NLGN4X: variants seen among roughly 807,000 people sequenced by gnomAD.
NLGN4X encodes neuroligin 4 X-linked.
A neutral mutation model predicts 40.3 loss-of-function variants in NLGN4X; 3 were observed. The observed-to-expected ratio is 0.07, with a 90% confidence interval of 0.03 to 0.19. The LOEUF is 0.19. NLGN4X is among the 10% of genes least tolerant of loss of function. The pLI is 1.00. For missense variants in NLGN4X, 382 were observed against 708.3 expected (o/e 0.54, Z 5.23); for synonymous variants, 270 against 306.8 (o/e 0.88, Z 1.25).
intron 2 of NLGN4X, among the ~76,000 whole-genome samples, chrX:6,073,708 A>G (rs1004123944): frequency 2.2e-4 from 25 of 111,329 alleles, no homozygotes; most frequent in South Asian, 1.9e-3. Context: ...AAACCAGGAA[A>G]GAGCAAAATG....
intron 3 of NLGN4X, among the ~76,000 whole-genome samples, chrX:5,997,468 A>G (rs187211520): frequency 1.5e-4 from 16 of 106,721 alleles, no homozygotes; most frequent in Admixed American, 3.1e-4. Flanking sequence ...GGTAGTATAT[A>G]TTACATGATC....
At chrX:6,093,779 ATT>A (rs1569233431) in intron 2 of NLGN4X, among the ~76,000 whole-genome samples, 1 of 111,970 alleles carries the variant, frequency 8.9e-6, no homozygotes, top group African/African-American at 3.2e-5. Context: ...TTGGATATCT[ATT>A]GTAAAACAGA....
At chrX:6,174,539 T>C (rs185295964) in intron 1 of NLGN4X, among the ~76,000 whole-genome samples, 9 of 112,206 alleles carry the variant, frequency 8.0e-5, no homozygotes, top group Admixed American at 3.8e-4. Context: ...TCAACCTAGA[T>C]GCCAATCAGT....
At chrX:5,952,035 GGGAAAATGCAGAAT>G (rs1245521659) in intron 3 of NLGN4X, among the ~76,000 whole-genome samples, 26 of 112,330 alleles carry the variant, frequency 2.3e-4, no homozygotes, top group African/African-American at 8.4e-4. Flanking sequence ...GGAGATTCGA[GGGAAAATGCAGAAT>G]GGCCATTTTT....
chrX:5,986,020 A>C (rs1019038120), intron 3 of NLGN4X, among the ~76,000 whole-genome samples: 1 of 112,102 alleles, frequency 8.9e-6, no homozygotes, highest in African/African-American at 3.2e-5. Context: ...ATATACGAAA[A>C]GATTTTAAAA....
chrX:5,949,801 T>C (rs113108464), intron 3 of NLGN4X, among the ~76,000 whole-genome samples: 3 of 111,592 alleles, frequency 2.7e-5, no homozygotes, highest in Non-Finnish European at 3.8e-5. Context: ...TCAATGAGGT[T>C]TGATGGATTG....
At chrX:5,996,511 C>CA (rs1299652257) in intron 3 of NLGN4X, among the ~76,000 whole-genome samples, 1 of 111,690 alleles carries the variant, frequency 9.0e-6, no homozygotes, top group Non-Finnish European at 1.9e-5. Context: ...CAGAGGGACT[C>CA]AAAGACTTTC....
At chrX:6,142,153 G>T (rs2039960599) in intron 2 of NLGN4X, among the ~76,000 whole-genome samples, 1 of 112,298 alleles carries the variant, frequency 8.9e-6, no homozygotes, top group African/African-American at 3.2e-5. Context: ...ATTGCAAATT[G>T]AATTGAATTA....
chrX:6,164,688 G>A lies in NLGN4X; in HGVS notation c.-305-12917C>T, dbSNP rs192012464. ...TCTCCTAATGAACTGTGCAATATCC[G>A]AAAAGCTGAGTGTCTTCAGAACGTT... On this transcript the variant is annotated intron_variant, in intron 1 of 5. Transcript: ENST00000381095. 1.5e-3 allele frequency among the ~76,000 whole-genome samples: 166 copies of A among 111,487 alleles called. 1 individual carries two copies. The highest frequency in any genetic ancestry group is 5.1e-3 in the African/African-American group (158 of 30,716).
intron 3 of NLGN4X, among the ~76,000 whole-genome samples, chrX:5,938,969 G>A (rs1445775895): frequency 2.0e-5 from 2 of 100,516 alleles, no homozygotes; most frequent in African/African-American, 3.8e-5. Flanking sequence ...GTGTGTGCGT[G>A]TGTGTGTGTG....
At chrX:6,084,974 T>C (rs1157979178) in intron 2 of NLGN4X, among the ~76,000 whole-genome samples, 1 of 110,233 alleles carries the variant, frequency 9.1e-6, no homozygotes, top group African/African-American at 3.3e-5. Context: ...ATCTCAAGTG[T>C]TTCTGGAAAC....
intron 3 of NLGN4X, among the ~76,000 whole-genome samples, chrX:5,960,090 C>G (rs1034509082): frequency 9.0e-6 from 1 of 110,808 alleles, no homozygotes; most frequent in Non-Finnish European, 1.9e-5. Context: ...GCAGTGTTGT[C>G]GATAAGTGTT....
At chrX:5,901,182 C>T (rs1051694659) in intron 5 of NLGN4X, among the ~76,000 whole-genome samples, 1 of 111,237 alleles carries the variant, frequency 9.0e-6, no homozygotes, top group Non-Finnish European at 1.9e-5. Flanking sequence ...CCACTCCCTA[C>T]CCAAACCACT....
At chrX:6,021,000 T>TTTTCTTTCTTTCTC (rs1306742830) in intron 3 of NLGN4X, among the ~76,000 whole-genome samples, 1 of 50,363 alleles carries the variant, frequency 2.0e-5, no homozygotes, top group East Asian at 1.2e-3. Flanking sequence ...TCCTTCCTTC[T>TTTTCTTTCTTTCTC]TTTCTCTCTC....
At chrX:6,012,307 T>C (rs1226857379) in intron 3 of NLGN4X, among the ~76,000 whole-genome samples, 2 of 112,387 alleles carry the variant, frequency 1.8e-5, no homozygotes, top group African/African-American at 3.2e-5. Flanking sequence ...GGAGAAGTTT[T>C]AAAGGCTCAG....
At chrX:6,208,526 T>C (rs1924249491) in intron 1 of NLGN4X, among the ~76,000 whole-genome samples, 1 of 112,313 alleles carries the variant, frequency 8.9e-6, no homozygotes, top group African/African-American at 3.2e-5. Flanking sequence ...CTCATTGCAC[T>C]CTTTGCCCAG....
At chrX:5,989,675 T>C (rs1436966569) in intron 3 of NLGN4X, among the ~76,000 whole-genome samples, 1 of 111,950 alleles carries the variant, frequency 8.9e-6, no homozygotes, top group African/African-American at 3.2e-5. Context: ...TTAAAAATTT[T>C]CCTATTAGGT....
At chrX:6,127,417 T>C (rs548033816) in intron 2 of NLGN4X, among the ~76,000 whole-genome samples, 1 of 112,390 alleles carries the variant, frequency 8.9e-6, no homozygotes, top group Non-Finnish European at 1.9e-5. Flanking sequence ...GAGGCCAGCC[T>C]GGCCAACATG....
At chrX:5,899,176 C>T (rs1171409361) in intron 5 of NLGN4X, among the ~76,000 whole-genome samples, 1 of 112,139 alleles carries the variant, frequency 8.9e-6, no homozygotes, top group Non-Finnish European at 1.9e-5. Flanking sequence ...ATTCTAATAC[C>T]TTTCCAATGA....
Sources: allele counts gnomAD v4.1 joint callset (sites outside exome capture counted in the v4.1 genomes callset), GRCh38; gene constraint gnomAD v4.1.1; transcripts MANE v1.5; gene names NCBI Gene and HGNC (gene_info 2026-07-23, HGNC 2026-07-21).